The following DIP2C variants were observed in gnomAD, a reference collection of about 807,000 sequenced individuals.
The protein encoded by DIP2C is disco-interacting protein 2 homolog C.
A neutral mutation model predicts 192.4 loss-of-function variants in DIP2C; 33 were observed. The ratio of observed to expected loss-of-function variants is 0.17; its 90% CI spans 0.13 to 0.23. DIP2C has a LOEUF of 0.23. Ranked by LOEUF, DIP2C falls within the 10% of genes least tolerant of loss-of-function variation. The probability of loss-of-function intolerance (pLI) is 1.00; values close to 1 mark genes in which losing one functional copy is unlikely to be tolerated. For synonymous variants in DIP2C, 979 were observed against 864.1 expected, an observed-to-expected ratio of 1.13 and a Z score of -2.33; for missense variants, 1,537 against 2,110.1, an observed-to-expected ratio of 0.73 and a Z score of 5.32.
chr10:426,103 G>A (rs961615362), intron 4 of DIP2C, among the ~76,000 whole-genome samples: 1 of 152,138 alleles, frequency 6.6e-6, no homozygotes, highest in South Asian at 2.1e-4. Context: ...ACATGACCTT[G>A]GATGTAGAAA....
chr10:589,702 G>A (rs1588536820), intron 1 of DIP2C, among the ~76,000 whole-genome samples: 2 of 152,106 alleles, frequency 1.3e-5, no homozygotes, highest in Admixed American at 6.6e-5. Flanking sequence ...AAGTAATTCT[G>A]TCTGGAAGCA....
intron 1 of DIP2C, among the ~76,000 whole-genome samples, chr10:654,868 C>T (rs1166941596): frequency 1.3e-5 from 2 of 152,218 alleles, no homozygotes; most frequent in Admixed American, 6.5e-5. Context: ...CTATACTATT[C>T]CATTCTCTAC....
intron 1 of DIP2C, among the ~76,000 whole-genome samples, chr10:640,738 CGCCGGGAAGAGGG>C (rs1472546834): frequency 2.2e-5 from 3 of 136,836 alleles, no homozygotes; most frequent in East Asian, 2.2e-4. Flanking sequence ...AGAGGGTGGG[CGCCGGGAAGAGGG>C]TGGGCGCCGG....
chr10:505,474 C>G (rs1319378569), intron 1 of DIP2C, among the ~76,000 whole-genome samples: 1 of 152,190 alleles, frequency 6.6e-6, no homozygotes, highest in Non-Finnish European at 1.5e-5. Context: ...CGACTGATCC[C>G]CAGCTGTACT....
chr10:619,511 T>TGCCAGGGCCATG (rs1853703608), intron 1 of DIP2C, among the ~76,000 whole-genome samples: 1 of 119,174 alleles, frequency 8.4e-6, no homozygotes, highest in African/African-American at 3.5e-5. Flanking sequence ...ACAGGCTTTA[T>TGCCAGGGCCATG]GCCAGGGCCA....
intron 1 of DIP2C, chr10:649,843 G>T (rs897714546): frequency 3.5e-5 from 17 of 486,372 alleles, no homozygotes; most frequent in African/African-American, 3.2e-4. Flanking sequence ...GTTTTTATTT[G>T]CAGTAAGAGA....
intron 1 of DIP2C, among the ~76,000 whole-genome samples, chr10:584,928 TCACGCG>T (rs1325105815): frequency 1.7e-5 from 2 of 120,238 alleles, no homozygotes; most frequent in East Asian, 5.4e-4. Flanking sequence ...TGACCCCCAC[TCACGCG>T]CATCACCTCT....
chr10:379,274 T>A (rs965237324), intron 17 of DIP2C, among the ~76,000 whole-genome samples: 1 of 131,048 alleles, frequency 7.6e-6, no homozygotes, highest in Non-Finnish European at 1.6e-5. Flanking sequence ...CCCTTCCCCA[T>A]CACTAGGGCT....
At position 517,877 on chromosome 10, in the gene DIP2C, G is replaced by A. The variant is rs549171606; in HGVS notation, c.86-31347C>T. Among the ~76,000 whole-genome samples, 10 of 151,888 alleles carry A rather than the reference G, an allele frequency of 6.6e-5. No homozygotes were observed. The South Asian group carries it at 1.0e-3, about 16-fold the overall frequency. On this transcript the variant is annotated intron_variant, in intron 1 of 36. Transcript: ENST00000280886. Reference sequence around the variant, plus strand: ...TGTAACCCTCAGGCATTGTCTAAACGTCAAATGGAAGCCTAGGATCCTCTT... The same window carrying A: ...TGTAACCCTCAGGCATTGTCTAAACATCAAATGGAAGCCTAGGATCCTCTT...
intron 3 of DIP2C, among the ~76,000 whole-genome samples, chr10:452,530 A>C (rs1029564270): frequency 2.6e-5 from 4 of 152,192 alleles, no homozygotes; most frequent in African/African-American, 9.6e-5. Context: ...AGTCCAACTC[A>C]AAATATCCAA....
intron 29 of DIP2C, 150 bp from the exon 30 acceptor site, chr10:329,751 C>T (rs149197566): frequency 7.1e-6 from 7 of 981,330 alleles, no homozygotes; most frequent in South Asian, 1.8e-5. Context: ...GTAAAGCCAA[C>T]GCTGCAAACT....
At chr10:378,742 C>T (rs1961983013) in intron 17 of DIP2C, among the ~76,000 whole-genome samples, 1 of 151,890 alleles carries the variant, frequency 6.6e-6, no homozygotes, top group African/African-American at 2.4e-5. Flanking sequence ...TGCATAAAGA[C>T]ACATGTGAAC....
At chr10:481,962 T>TGG (rs1843644986) in intron 2 of DIP2C, among the ~76,000 whole-genome samples, 1 of 152,170 alleles carries the variant, frequency 6.6e-6, no homozygotes, top group Non-Finnish European at 1.5e-5. Flanking sequence ...ATACTGCTGC[T>TGG]GGGGGTTGGG....
intron 1 of DIP2C, among the ~76,000 whole-genome samples, chr10:624,436 C>T (rs1388438802): frequency 2.6e-5 from 4 of 152,238 alleles, no homozygotes; most frequent in South Asian, 2.1e-4. Flanking sequence ...AGGCAGCGCC[C>T]GCTCAGCTCC....
intron 32 of DIP2C, among the ~76,000 whole-genome samples, chr10:300,566 G>A (rs567116590): frequency 1.3e-5 from 2 of 152,186 alleles, no homozygotes; most frequent in Non-Finnish European, 2.9e-5. Context: ...GCAGCCCTGC[G>A]TGTGTGGAGA....
intron 3 of DIP2C, among the ~76,000 whole-genome samples, chr10:464,251 C>A (rs575876213): frequency 2.6e-5 from 4 of 152,154 alleles, no homozygotes; most frequent in African/African-American, 7.2e-5. Flanking sequence ...ATCCATCTGA[C>A]AAAGGGCTAA....
intron 3 of DIP2C, among the ~76,000 whole-genome samples, 159 bp downstream of exon 3, chr10:472,280 C>A (rs935651029): frequency 3.3e-5 from 5 of 152,210 alleles, no homozygotes; most frequent in African/African-American, 1.2e-4. Flanking sequence ...CGGACACTGG[C>A]GTCTCCCGAG....
Position 520,759 on chromosome 10 carries a change from T to C in DIP2C, c.86-34229A>G, listed in dbSNP as rs1479922735. 2.0e-5 allele frequency among the ~76,000 whole-genome samples: 3 copies of C among 152,220 alleles called. No individual in the cohort carries two copies. In the South Asian group the frequency reaches 6.2e-4, roughly 32 times the overall value. On this transcript the variant is annotated intron_variant, in intron 1 of 36. Coordinates refer to ENST00000280886, the MANE Select transcript of DIP2C (RefSeq NM_014974.3). ...GCAAATAAGTTGGAAACCAAAAAAT[T>C]CTAAGACCCCTTGGGCTTTTTAACA... is the stretch of plus-strand genomic sequence containing the variant.
chr10:587,272 C>A (rs1851116750), intron 1 of DIP2C, among the ~76,000 whole-genome samples: 1 of 152,154 alleles, frequency 6.6e-6, no homozygotes, highest in African/African-American at 2.4e-5. Context: ...GGCTGGACCA[C>A]CCAGGGTCCC....
Sources: gnomAD v4.1 joint callset for allele counts (sites outside exome capture counted in the v4.1 genomes callset) on GRCh38, gnomAD v4.1.1 for gene constraint, MANE v1.5 for transcripts, NCBI Gene and HGNC (gene_info 2026-07-23, HGNC 2026-07-21) for gene names.